The following NWD2 variants were observed in gnomAD, a reference collection of about 807,000 sequenced individuals.
The protein encoded by NWD2 is NACHT and WD repeat domain containing 2.
NWD2 carries 37 observed loss-of-function variants against 132.7 expected under a neutral mutation model. The ratio of observed to expected loss-of-function variants is 0.28; its 90% CI spans 0.21 to 0.37. The LOEUF (loss-of-function observed/expected upper bound fraction) is 0.37. NWD2 is among the 10% of genes least tolerant of loss of function. The probability of loss-of-function intolerance (pLI) is 1.00; values close to 1 mark genes in which losing one functional copy is unlikely to be tolerated. For synonymous variants in NWD2, 705 were observed against 803.0 expected, an observed-to-expected ratio of 0.88 and a Z score of 2.06; for missense variants, 1,592 against 2,122.4, an observed-to-expected ratio of 0.75 and a Z score of 4.91.
chr4:37,346,868 C>T (rs891656492), intron 2 of NWD2, among the ~76,000 whole-genome samples: 2 of 152,018 alleles, frequency 1.3e-5, no homozygotes, highest in Non-Finnish European at 2.9e-5. Flanking sequence ...CAGATTTTTT[C>T]ATTGCTAGTG....
intron 5 of NWD2, among the ~76,000 whole-genome samples, chr4:37,434,422 T>A (rs902356823): frequency 2.6e-5 from 4 of 152,216 alleles, no homozygotes; most frequent in Non-Finnish European, 5.9e-5. Flanking sequence ...TCCTGCAACT[T>A]ATTTTTTTAG....
chr4:37,426,857 T>C (rs1712023716), intron 3 of NWD2, among the ~76,000 whole-genome samples: 1 of 152,186 alleles, frequency 6.6e-6, no homozygotes, highest in African/African-American at 2.4e-5. Flanking sequence ...TCCATAGATT[T>C]GACTGAATCC....
intron 2 of NWD2, among the ~76,000 whole-genome samples, chr4:37,348,633 A>T (rs1577675699): frequency 3.3e-5 from 1 of 30,086 alleles, no homozygotes; most frequent in Non-Finnish European, 5.6e-5. Context: ...GCCTGTGGTT[A>T]ATTCATATAT....
intron 1 of NWD2, among the ~76,000 whole-genome samples, chr4:37,325,118 A>G (rs980262029): frequency 1.3e-5 from 2 of 152,174 alleles, no homozygotes; most frequent in Non-Finnish European, 2.9e-5. Context: ...GCCATCATCA[A>G]TGCAGAATTG....
At chr4:37,337,436 A>G (rs17575946) in intron 2 of NWD2, among the ~76,000 whole-genome samples, 16,795 of 152,150 alleles carry the variant, frequency 0.11, 1,241 homozygotes, top group South Asian at 0.23. Flanking sequence ...CTAGGTGTGT[A>G]AGGAAGTGAG....
intron 4 of NWD2, among the ~76,000 whole-genome samples, chr4:37,431,320 C>G (rs953470448): frequency 2.0e-5 from 3 of 152,136 alleles, no homozygotes; most frequent in African/African-American, 7.2e-5. Context: ...TACACACATA[C>G]TGTGATATTA....
chr4:37,328,447 A>T (rs1203923091), intron 2 of NWD2, among the ~76,000 whole-genome samples: 2 of 147,436 alleles, frequency 1.4e-5, no homozygotes, highest in African/African-American at 5.1e-5. Context: ...CCCTGTGTCC[A>T]TGTGTTCTCA....
chr4:37,296,374 A>G (rs1365946274), intron 1 of NWD2, among the ~76,000 whole-genome samples: 2 of 152,194 alleles, frequency 1.3e-5, no homozygotes, highest in East Asian at 3.9e-4. Flanking sequence ...ATTGCTCGAT[A>G]CAAATATTGT....
At chr4:37,424,981 A>C (rs1422967016) in intron 3 of NWD2, among the ~76,000 whole-genome samples, 1 of 152,200 alleles carries the variant, frequency 6.6e-6, no homozygotes, top group Admixed American at 6.5e-5. Context: ...AAAGAAAAAA[A>C]ATCAATTGAG....
intron 5 of NWD2, among the ~76,000 whole-genome samples, chr4:37,436,282 A>G (rs1275353381): frequency 1.3e-5 from 2 of 152,192 alleles, no homozygotes; most frequent in Non-Finnish European, 2.9e-5. Flanking sequence ...CTAAAATTCT[A>G]AAATTTATAA....
At chr4:37,371,135 TG>T (rs1720221177) in intron 3 of NWD2, among the ~76,000 whole-genome samples, 1 of 136,462 alleles carries the variant, frequency 7.3e-6, no homozygotes, top group African/African-American at 2.7e-5. Flanking sequence ...TGGAGGGCAG[TG>T]GTGCAATCTC....
chr4:37,290,397 G>A (rs1009984677), intron 1 of NWD2, among the ~76,000 whole-genome samples: 1 of 152,140 alleles, frequency 6.6e-6, no homozygotes, highest in Non-Finnish European at 1.5e-5. Context: ...CATGGTTCCT[G>A]CCCTCAAGAG....
At chr4:37,332,222 G>A (rs1018506979) in intron 2 of NWD2, among the ~76,000 whole-genome samples, 1 of 152,152 alleles carries the variant, frequency 6.6e-6, no homozygotes, top group Non-Finnish European at 1.5e-5. Flanking sequence ...GGGAGTGCTT[G>A]CACTACCCCT....
At chr4:37,348,841 A>G (rs1466722279) in intron 2 of NWD2, among the ~76,000 whole-genome samples, 1 of 148,460 alleles carries the variant, frequency 6.7e-6, no homozygotes. Flanking sequence ...CTAGTACCCC[A>G]CCCCACAACA....
chr4:37,415,772 A>G (rs1161407219), intron 3 of NWD2, among the ~76,000 whole-genome samples: 1 of 152,098 alleles, frequency 6.6e-6, no homozygotes, highest in Non-Finnish European at 1.5e-5. Flanking sequence ...AGTCCAGTTA[A>G]GGATTAGGCA....
rs1458978645 is a variant in NWD2 at position 37,362,613 on chromosome 4, C to T, written c.357+6131C>T. Among the ~76,000 whole-genome samples, 3 of 152,082 alleles carry T rather than the reference C, an allele frequency of 2.0e-5. No individual in the cohort carries two copies. The East Asian group carries it at 5.8e-4, about 29-fold the overall frequency. ...AATTATATTGGGATAGCTGTCTAGC[C>T]ATATGGAGGAGAATGAAATTGGACC... On this transcript the variant is annotated intron_variant, in intron 3 of 6. Transcript: ENST00000309447.
chr4:37,378,294 A>G (rs1469861867), intron 3 of NWD2, among the ~76,000 whole-genome samples: 2 of 152,238 alleles, frequency 1.3e-5, no homozygotes, highest in African/African-American at 2.4e-5. Context: ...AATAAATATG[A>G]CAGTCATCTT....
chr4:37,426,028 A>G (rs1577699364), intron 3 of NWD2, among the ~76,000 whole-genome samples: 1 of 152,204 alleles, frequency 6.6e-6, no homozygotes, highest in East Asian at 1.9e-4. Context: ...TATGAGCTGG[A>G]CTTTGCAACT....
chr4:37,344,198 G>A (rs1167137507), intron 2 of NWD2, among the ~76,000 whole-genome samples: 1 of 152,162 alleles, frequency 6.6e-6, no homozygotes, highest in African/African-American at 2.4e-5. Flanking sequence ...GTCTTGTTGA[G>A]CACTTTATGT....
Sources: gnomAD v4.1 joint callset for allele counts (sites outside exome capture counted in the v4.1 genomes callset) on GRCh38, gnomAD v4.1.1 for gene constraint, MANE v1.5 for transcripts, NCBI Gene and HGNC (gene_info 2026-07-23, HGNC 2026-07-21) for gene names.